WIPI2: variants seen among roughly 807,000 people sequenced by gnomAD.
The protein encoded by WIPI2 is WD repeat domain, phosphoinositide interacting 2, also known as WD repeat domain phosphoinositide-interacting protein 2.
A neutral mutation model predicts 52.3 loss-of-function variants in WIPI2; 28 were observed. The observed-to-expected ratio is 0.54, with a 90% CI of 0.40 to 0.73. WIPI2 has a LOEUF of 0.73. Ranked by LOEUF, WIPI2 falls within the 30% of genes least tolerant of loss-of-function variation. The probability of loss-of-function intolerance (pLI) is 0.00; values close to 1 mark genes in which losing one functional copy is unlikely to be tolerated. For missense variants in WIPI2, 506 were observed against 602.9 expected (o/e 0.84, Z 1.68); for synonymous variants, 268 against 245.0 (o/e 1.09, Z -0.88).
chr7:5,229,593 CTT>C lies in WIPI2; in HGVS notation c.1122-13_1122-12del. The C allele has an allele frequency of 6.2e-7, 1 of 1,611,072 alleles. No homozygotes were observed. The highest frequency in any genetic ancestry group is 8.5e-7 in the Non-Finnish European group (1 of 1,178,790). On this transcript the variant is annotated splice_polypyrimidine_tract_variant and intron_variant, in intron 11 of 12. Transcript: ENST00000288828. ...TGTGTGGAGACGCTGAGCTGTGTCG[CTT>C]TCTTCCCTCCAGGCTGGACGGCAGT...
In WIPI2 at chr7:5,227,084, GC is replaced by G; in HGVS notation, c.849-95del. On this transcript the variant is annotated intron_variant, in intron 9 of 12. Transcript: ENST00000288828. The surrounding 1 kb of genome is among the most constrained non-coding windows in gnomAD (Gnocchi z 8.1). Reference sequence around the variant, plus strand: ...TTTCCTGTGAAGAATGGAGACTTTTGCTGTCGGCTCCAGAGCTGTGCGTCTG... The same window carrying G: ...TTTCCTGTGAAGAATGGAGACTTTTGTGTCGGCTCCAGAGCTGTGCGTCTG... 6.7e-7 allele frequency: 1 copy of G among 1,500,166 alleles called. No individual in the cohort carries two copies. The highest frequency in any genetic ancestry group is 9.0e-7 in the Non-Finnish European group (1 of 1,109,690). 92.9% of individuals were successfully genotyped at this position (1,500,166 alleles called of 1,614,324 possible).
chr7:5,205,306 A>G (rs1301284953), intron 3 of WIPI2, among the ~76,000 whole-genome samples: 1 of 152,140 alleles, frequency 6.6e-6, no homozygotes, highest in East Asian at 1.9e-4. Flanking sequence ...AATGACAAAA[A>G]TATGTTCACT....
At chr7:5,214,433 C>A (rs1238541833) in intron 3 of WIPI2, 102 bp from the exon 4 acceptor site, 1 of 1,612,178 alleles carries the variant, frequency 6.2e-7, no homozygotes, top group African/African-American at 1.3e-5. Context: ...GCGCTGTGCC[C>A]TGCGTGTCGC....
intron 3 of WIPI2, among the ~76,000 whole-genome samples, chr7:5,209,786 A>G (rs568421082): frequency 6.6e-6 from 1 of 152,238 alleles, no homozygotes; most frequent in African/African-American, 2.4e-5. Flanking sequence ...AGTCTCAACC[A>G]TAAATCCATC....
In WIPI2 at chr7:5,231,435, C is replaced by T. The variant is rs1410907037; in HGVS notation, c.*488C>T. ...CCCACCAGGTGTGCTGGGCAGACTT[C>T]AGCTGGGACAGAAGTCCGATCTCCC... On this transcript the variant is annotated 3_prime_UTR_variant, in exon 13 of 13. Transcript: ENST00000288828. The T allele has an allele frequency of 6.5e-6, 1 of 152,808 alleles. No homozygotes were observed. Among genetic ancestry groups the T allele is most frequent in the Non-Finnish European group, 1.5e-5 (1 of 68,454 alleles). The allele number at this position is 152,808 out of a possible 1,614,324, so 9.5% of individuals were successfully genotyped here. A position where few individuals can be genotyped will look rare whatever the true frequency, so the allele number is the denominator to read the frequency against.
Position 5,193,142 on chromosome 7 carries a change from A to C in WIPI2, c.99A>C (p.Ala33=). The C allele has an allele frequency of 1.2e-6, 2 of 1,614,036 alleles. No individual in the cohort carries two copies. Among genetic ancestry groups the C allele is most frequent in the Middle Eastern group, 1.7e-4 (1 of 5,996 alleles). ...GAGAAGTGAAAGGGGCATCAAGAGC[A>C]GCTGGTCTTGGCCGTCGCGCTGTTG... ...DNTEVKGASR[A]AGLGRRAVVW... is the part of the protein sequence containing the mutation. The change falls in exon 2 of 13, where the codon GCA becomes GCC. Residue 33 remains alanine (A), a synonymous_variant. Transcript: ENST00000288828.
At chr7:5,192,606 T>G (rs1781535873) in intron 1 of WIPI2, among the ~76,000 whole-genome samples, 1 of 152,212 alleles carries the variant, frequency 6.6e-6, no homozygotes, top group South Asian at 2.1e-4. Flanking sequence ...ACTTTGAGAT[T>G]TCATAACTTT....
intron 3 of WIPI2, among the ~76,000 whole-genome samples, chr7:5,202,461 G>A (rs1782073816): frequency 6.6e-6 from 1 of 152,142 alleles, no homozygotes; most frequent in Non-Finnish European, 1.5e-5. Flanking sequence ...ATAGCTCACT[G>A]TACCCTTGAC....
chr7:5,221,216 G>A (rs1341685222), intron 7 of WIPI2, among the ~76,000 whole-genome samples: 3 of 151,766 alleles, frequency 2.0e-5, no homozygotes, highest in African/African-American at 7.3e-5. Context: ...CTCACCTCGG[G>A]CTCCCAAAGC....
chr7:5,222,496 G>C, intron 7 of WIPI2, 106 bp from the exon 8 acceptor site: 1 of 1,181,994 alleles, frequency 8.5e-7, no homozygotes, highest in Non-Finnish European at 1.3e-6. Context: ...CCAGGGCAGA[G>C]CTGTCCTGGA....
chr7:5,217,968 T>C lies in WIPI2; in HGVS notation c.623T>C (p.Leu208Pro), dbSNP rs1782908081. 1 of 1,614,260 alleles carries C rather than the reference T, an allele frequency of 6.2e-7. No homozygotes were observed. Residue 208 changes from leucine (L) to proline (P), a missense_variant, in exon 7 of 13, where the codon CTG becomes CCG. By Grantham distance (98) the Leu-to-Pro change is moderately conservative (BLOSUM62 -3). Transcript: ENST00000288828. The stretch of plus-strand genomic sequence containing the variant: ...GCTCACGACAGTCCTTTAGCGGCAC[T>C]GGCCTTTGACGCAAGTGGAACTAAA... Reference protein sequence around the residue: ...IPAHDSPLAALAFDASGTKLA... With the variant: ...IPAHDSPLAAPAFDASGTKLA...
At chr7:5,191,129 C>T (rs1277498410) in intron 1 of WIPI2, among the ~76,000 whole-genome samples, 3 of 152,210 alleles carry the variant, frequency 2.0e-5, no homozygotes, top group East Asian at 3.9e-4. Context: ...AAGCGATTCT[C>T]CTGCCTCAGC....
In WIPI2 at chr7:5,190,236, C is replaced by G; in HGVS notation, c.-184C>G. 3.2e-6 allele frequency: 1 copy of G among 309,494 alleles called. No homozygotes were observed. The highest frequency in any genetic ancestry group is 5.7e-6 in the Non-Finnish European group (1 of 176,366). 19.2% of individuals were successfully genotyped at this position (309,494 alleles called of 1,614,324 possible). On this transcript the variant is annotated 5_prime_UTR_variant, in exon 1 of 13. Transcript: ENST00000288828. ...GCGGGGGCGGGGCCGCGCAGGCGTA[C>G]CGGGTGCCCCGGCTCTGGAGCATAA...
chr7:5,227,943 G>A lies in WIPI2; in HGVS notation c.1014-161G>A, dbSNP rs987078769. 2.0e-5 allele frequency among the ~76,000 whole-genome samples: 3 copies of A among 152,214 alleles called. No homozygotes were observed. The highest frequency in any genetic ancestry group is 7.2e-5 in the African/African-American group (3 of 41,452). ...GGCTCAGCACACGAGTGCAGCCTTG[G>A]CCGTGTGAGCCGAGGTCAGTGGGGC... On this transcript the variant is annotated intron_variant, in intron 10 of 12. Coordinates refer to ENST00000288828, the MANE Select transcript of WIPI2 (RefSeq NM_015610.4). The surrounding 1 kb of genome is among the most constrained non-coding windows in gnomAD (Gnocchi z 8.1).
intron 3 of WIPI2, among the ~76,000 whole-genome samples, chr7:5,200,948 C>T (rs4446650): frequency 0.38 from 57,956 of 152,142 alleles, 12,062 homozygotes; most frequent in Non-Finnish European, 0.48. Flanking sequence ...GGTTTTACTC[C>T]TTTCTTTGTC....
rs1474226340 is a variant in WIPI2 at position 5,217,957 on chromosome 7, T to C, written c.612T>C (p.Pro204=). 8 of 1,614,250 alleles carry C rather than the reference T, an allele frequency of 5.0e-6. No homozygotes were observed. The highest frequency in any genetic ancestry group is 6.8e-6 in the Non-Finnish European group (8 of 1,180,040). Residue 204 remains proline (P), a synonymous_variant, in exon 7 of 13, where the codon CCT becomes CCC. Coordinates refer to ENST00000288828, the MANE Select transcript of WIPI2 (RefSeq NM_015610.4). ...AANMIPAHDS[P]LAALAFDASG... is the part of the protein sequence containing the mutation. Reference sequence around the variant, plus strand: ...ACATGATTCCGGCTCACGACAGTCCTTTAGCGGCACTGGCCTTTGACGCAA... The same window carrying C: ...ACATGATTCCGGCTCACGACAGTCCCTTAGCGGCACTGGCCTTTGACGCAA...
rs1783483038 is a variant in WIPI2, at chr7:5,227,255, C to T, written c.924C>T (p.Ser308=). The T allele has an allele frequency of 6.2e-7, 1 of 1,613,940 alleles. No homozygotes were observed. The highest frequency in any genetic ancestry group is 8.5e-7 in the Non-Finnish European group (1 of 1,180,030). ...VLMASTSYLP[S]QVTEMFNQGR... is the part of the protein sequence containing the mutation. Reference sequence around the variant, plus strand: ...TGGCCTCCACCAGCTACCTGCCTTCCCAAGTGACAGAAATGTTCAACCAGG... The same window carrying T: ...TGGCCTCCACCAGCTACCTGCCTTCTCAAGTGACAGAAATGTTCAACCAGG... The change falls in exon 10 of 13, where the codon TCC becomes TCT. Residue 308 remains serine (S), a synonymous_variant. Transcript: ENST00000288828. The surrounding 1 kb of genome is among the most constrained non-coding windows in gnomAD (Gnocchi z 8.1).
rs541750372 is a variant in WIPI2, at chr7:5,223,336, C to T, written c.740+664C>T. On this transcript the variant is annotated intron_variant, in intron 8 of 12. Transcript: ENST00000288828. ...ACCTCAGGTCTGTGGCTCCACGTCT[C>T]GGATCAGTACCTCCCTCCCTGAAGG... is the stretch of plus-strand genomic sequence containing the variant. Among the ~76,000 whole-genome samples, 191 of 152,314 alleles carry T rather than the reference C, an allele frequency of 1.3e-3. 1 individual carries two copies. The highest frequency in any genetic ancestry group is 4.4e-3 in the African/African-American group (181 of 41,572).
chr7:5,217,430 G>A (rs1381708503), intron 6 of WIPI2: 8 of 499,320 alleles, frequency 1.6e-5, no homozygotes, highest in Non-Finnish European at 2.2e-5. Context: ...TCAGCCTCCC[G>A]AGGAGTTACA....
Sources: gnomAD v4.1 joint callset for allele counts (sites outside exome capture counted in the v4.1 genomes callset) on GRCh38, gnomAD v4.1.1 for gene constraint, Gnocchi (gnomAD v3.1) non-coding constraint, MANE v1.5 for transcripts, NCBI Gene and HGNC (gene_info 2026-07-23, HGNC 2026-07-21) for gene names.